The following EPHA6 variants were observed in gnomAD, a reference collection of about 807,000 sequenced individuals.
EPHA6 encodes EPH receptor A6, also known as ephrin type-A receptor 6.
EPHA6 carries 50 observed loss-of-function variants against 112.0 expected under a neutral mutation model. The ratio of observed to expected loss-of-function variants is 0.45; its 90% confidence interval spans 0.36 to 0.56. The LOEUF (loss-of-function observed/expected upper bound fraction) is 0.56. Among genes scored for constraint, EPHA6 ranks in the 20% least tolerant of loss-of-function variants. EPHA6 has a pLI of 0.00. For missense variants in EPHA6, 1,280 were observed against 1,417.4 expected, an observed-to-expected ratio of 0.90 and a Z score of 1.56; for synonymous variants, 529 against 490.7, an observed-to-expected ratio of 1.08 and a Z score of -1.03.
intron 3 of EPHA6, among the ~76,000 whole-genome samples, chr3:97,023,415 A>C (rs933970981): frequency 6.6e-6 from 1 of 152,018 alleles, no homozygotes; most frequent in Non-Finnish European, 1.5e-5. Context: ...TCAAATTTGA[A>C]ATTATTTCTC....
At chr3:96,896,589 T>C (rs1273510333) in intron 2 of EPHA6, among the ~76,000 whole-genome samples, 3 of 152,220 alleles carry the variant, frequency 2.0e-5, no homozygotes. Context: ...GCATCAGGTC[T>C]CCATCACGTT....
chr3:97,337,954 C>T (rs2083136183), intron 5 of EPHA6, among the ~76,000 whole-genome samples: 1 of 152,008 alleles, frequency 6.6e-6, no homozygotes, highest in Non-Finnish European at 1.5e-5. Flanking sequence ...TTTATTTGGC[C>T]ATGCTAAATT....
chr3:97,691,661 T>C (rs1042227795), intron 14 of EPHA6, among the ~76,000 whole-genome samples: 3 of 152,192 alleles, frequency 2.0e-5, no homozygotes, highest in Admixed American at 6.5e-5. Context: ...TAAGGAAAAG[T>C]ATATTTTTGA....
intron 3 of EPHA6, among the ~76,000 whole-genome samples, chr3:97,196,545 T>A (rs1378795647): frequency 6.6e-6 from 1 of 152,088 alleles, no homozygotes; most frequent in Admixed American, 6.6e-5. Flanking sequence ...TGCTTGTCAA[T>A]GTCCAGGCAT....
At chr3:96,893,543 A>G (rs1200116056) in intron 2 of EPHA6, among the ~76,000 whole-genome samples, 1 of 152,196 alleles carries the variant, frequency 6.6e-6, no homozygotes, top group South Asian at 2.1e-4. Flanking sequence ...ATTAATGATG[A>G]TTATTGCACA....
chr3:96,829,776 G>A (rs1055780548), intron 1 of EPHA6, among the ~76,000 whole-genome samples: 1 of 152,008 alleles, frequency 6.6e-6, no homozygotes, highest in East Asian at 1.9e-4. Flanking sequence ...AAATGCTGAT[G>A]AGTATCTTAT....
intron 14 of EPHA6, among the ~76,000 whole-genome samples, chr3:97,719,167 A>T (rs1409969965): frequency 3.6e-5 from 5 of 139,304 alleles, no homozygotes; most frequent in Non-Finnish European, 7.5e-5. Context: ...AAGATATTTA[A>T]CTTAAATTCC....
intron 13 of EPHA6, among the ~76,000 whole-genome samples, chr3:97,616,466 T>C (rs919552474): frequency 5.9e-5 from 9 of 152,010 alleles, no homozygotes; most frequent in Non-Finnish European, 1.3e-4. Flanking sequence ...TCCAAATGTG[T>C]CTAAGAAAAT....
chr3:96,972,155 G>A (rs76935353), intron 2 of EPHA6, among the ~76,000 whole-genome samples: 6,663 of 151,826 alleles, frequency 0.044, 181 homozygotes, highest in Non-Finnish European at 0.07. Flanking sequence ...CTTTCAAATG[G>A]TCACTTGTTA....
rs544874299 is a variant in EPHA6, at chr3:97,622,197, G to T, written c.2574+11343G>T. The stretch of plus-strand genomic sequence containing the variant: ...ATTTATCTGGCAAAACTGAAATGCT[G>T]TACTCATTAGGTAATTAAACTTTCC... On this transcript the variant is annotated intron_variant, in intron 13 of 17. Transcript: ENST00000389672. Among the ~76,000 whole-genome samples the T allele has an allele frequency of 2.0e-5, 3 of 151,828 alleles. 1 individual carries two copies. The South Asian group carries it at 6.2e-4, about 31-fold the overall frequency.
chr3:97,465,063 C>T (rs1003634673), intron 7 of EPHA6, among the ~76,000 whole-genome samples: 7 of 151,986 alleles, frequency 4.6e-5, no homozygotes, highest in Admixed American at 2.6e-4. Flanking sequence ...AAATCAGTGC[C>T]ATATTGTGAA....
At position 97,750,233 on chromosome 3, in the gene EPHA6, T is replaced by C. The variant is rs997479445; in HGVS notation, c.*1532T>C. On this transcript the variant is annotated 3_prime_UTR_variant, in exon 18 of 18. Transcript: ENST00000389672. ...ATTAGCTTTTGTTGGATCTCAGTGATAATGGTGCCCTACCTACCCTAATTC... is the reference window on the plus strand; with the variant it reads ...ATTAGCTTTTGTTGGATCTCAGTGACAATGGTGCCCTACCTACCCTAATTC... Among the ~76,000 whole-genome samples, 1 of 151,904 alleles carries C rather than the reference T, an allele frequency of 6.6e-6. No homozygotes were observed. Among genetic ancestry groups the C allele is most frequent in the Admixed American group, 6.6e-5 (1 of 15,248 alleles).
intron 16 of EPHA6, among the ~76,000 whole-genome samples, chr3:97,742,021 G>A (rs935621944): frequency 2.0e-5 from 3 of 152,052 alleles, no homozygotes; most frequent in African/African-American, 7.2e-5. Flanking sequence ...AAGGAAAGTA[G>A]TAATAGCAAC....
chr3:97,064,092 T>C (rs1022867474), intron 3 of EPHA6, among the ~76,000 whole-genome samples: 1 of 152,188 alleles, frequency 6.6e-6, no homozygotes. Flanking sequence ...CAGCATCTTA[T>C]AAAAATAGAT....
chr3:97,755,087 A>T lies in EPHA6; in HGVS notation c.*6386A>T, dbSNP rs1032996047. Among the ~76,000 whole-genome samples, 2 of 152,186 alleles carry T rather than the reference A, an allele frequency of 1.3e-5. No homozygotes were observed. Among genetic ancestry groups the T allele is most frequent in the Non-Finnish European group, 2.9e-5 (2 of 68,016 alleles). ...AATCAAAGTAACAAATCTCTACATC[A>T]TTAAGAGAACTTTTGATTTGTTTCA... On this transcript the variant is annotated 3_prime_UTR_variant, in exon 18 of 18. Coordinates refer to ENST00000389672, the MANE Select transcript of EPHA6 (RefSeq NM_001080448.3).
At chr3:97,592,787 G>A (rs778547899) in intron 12 of EPHA6, 50 bp downstream of exon 12, 14 of 1,488,142 alleles carry the variant, frequency 9.4e-6, no homozygotes, top group Non-Finnish European at 1.2e-5. Flanking sequence ...CAGTAGGATT[G>A]TGCTCATAGT....
chr3:96,869,003 T>C (rs2036486142), intron 2 of EPHA6, among the ~76,000 whole-genome samples: 2 of 152,098 alleles, frequency 1.3e-5, no homozygotes, highest in South Asian at 4.1e-4. Flanking sequence ...GGAAAAAGGA[T>C]GAATAGTCTG....
At chr3:97,102,283 A>G (rs376404260) in intron 3 of EPHA6, among the ~76,000 whole-genome samples, 1 of 152,054 alleles carries the variant, frequency 6.6e-6, no homozygotes, top group Non-Finnish European at 1.5e-5. Flanking sequence ...CAGACTGTCC[A>G]TATCAGACAC....
intron 2 of EPHA6, among the ~76,000 whole-genome samples, chr3:96,923,270 C>A (rs975311430): frequency 6.6e-6 from 1 of 151,984 alleles, no homozygotes; most frequent in African/African-American, 2.4e-5. Flanking sequence ...ATGAAAAAAA[C>A]ATTTTTCCTC....
Sources: gnomAD v4.1 joint callset for allele counts (sites outside exome capture counted in the v4.1 genomes callset) on GRCh38, gnomAD v4.1.1 for gene constraint, MANE v1.5 for transcripts, NCBI Gene and HGNC (gene_info 2026-07-23, HGNC 2026-07-21) for gene names.